Variants in AHCTF1 observed in about 807,000 individuals in gnomAD.
The protein encoded by AHCTF1 is AT-hook containing transcription factor 1.
AHCTF1 carries 24 observed loss-of-function variants against 248.4 expected under a neutral mutation model. The ratio of observed to expected loss-of-function variants is 0.10; its 90% confidence interval spans 0.07 to 0.14. AHCTF1 has a LOEUF of 0.14. AHCTF1 is among the 10% of genes least tolerant of loss of function. AHCTF1 has a pLI of 1.00. For synonymous variants in AHCTF1, 786 were observed against 929.8 expected (o/e 0.85, Z 2.81); for missense variants, 2,206 against 2,636.2 (o/e 0.84, Z 3.57).
chr1:246,862,297 G>A (rs572053842), intron 27 of AHCTF1, 144 bp from the exon 28 acceptor site: 14 of 478,852 alleles, frequency 2.9e-5, no homozygotes, highest in South Asian at 9.7e-5. Flanking sequence ...TGGCTAACAC[G>A]GTGAAACCCC....
At chr1:246,931,306 A>G (rs1411920374) in intron 1 of AHCTF1, 1 of 1,547,090 alleles carries the variant, frequency 6.5e-7, no homozygotes, top group Admixed American at 2.0e-5. Flanking sequence ...GACGCGAACC[A>G]CCAGCGCCGC....
rs139700015 is a variant in AHCTF1, at chr1:246,877,211, C to T, written c.2752G>A (p.Glu918Lys). 52 of 1,613,496 alleles carry T rather than the reference C, an allele frequency of 3.2e-5. 1 individual carries two copies. In the South Asian group the frequency reaches 4.8e-4, roughly 15 times the overall value. ...AGTAAATCTTCCATCAAGCCCATTT[C>T]CTGACAGACTTCATACATGTGCTTC... Reference protein sequence around the residue: ...LLKHMYEVCQEMGLMEDLLKL... With the variant: ...LLKHMYEVCQKMGLMEDLLKL... Residue 918 changes from glutamate to lysine, a missense_variant, in exon 22 of 36, where the codon GAA becomes AAA. Around this residue, in one of 6 missense-constraint regions of AHCTF1, gnomAD observed 955 missense variants for 1,055.6 expected, o/e 0.90. Coordinates refer to ENST00000648844, the MANE Select transcript of AHCTF1 (RefSeq NM_001323342.2).
chr1:246,851,668 T>C (rs1411534787), intron 32 of AHCTF1, among the ~76,000 whole-genome samples: 1 of 152,190 alleles, frequency 6.6e-6, no homozygotes, highest in East Asian at 1.9e-4. Flanking sequence ...GAAATTTAAC[T>C]AGAAATTCTA....
chr1:246,931,226 T>C (rs1196291045), intron 1 of AHCTF1: 2 of 1,550,122 alleles, frequency 1.3e-6, no homozygotes, highest in Admixed American at 2.0e-5. Flanking sequence ...AACGAGTCCA[T>C]CGCGTGGGAG....
At position 246,877,428 on chromosome 1, in the gene AHCTF1, TTAAAAATTTGTTGAATAC is replaced by T. The variant is rs376837878; in HGVS notation, c.2661-144_2661-127del. 3.5e-4 allele frequency: 384 copies of T among 1,107,572 alleles called. 1 individual carries two copies. In the African/African-American group the frequency reaches 5.3e-3, roughly 15 times the overall value. 68.6% of individuals were successfully genotyped at this position (1,107,572 alleles called of 1,614,324 possible). On this transcript the variant is annotated intron_variant, in intron 21 of 35. Transcript: ENST00000648844. ...TCTTTATAAATAATTGAAAAGTACTTTAAAAATTTGTTGAATACTAAGTACTGCATAATAATCTTGCTA... is the reference window on the plus strand; with the variant it reads ...TCTTTATAAATAATTGAAAAGTACTTTAAGTACTGCATAATAATCTTGCTA...
chr1:246,870,344 G>A (rs936422884), intron 24 of AHCTF1, among the ~76,000 whole-genome samples: 3 of 152,122 alleles, frequency 2.0e-5, no homozygotes, highest in African/African-American at 7.2e-5. Flanking sequence ...GATCACTTGA[G>A]CTCAGAAGGT....
At position 246,902,759 on chromosome 1, in the gene AHCTF1, T is replaced by C. The variant is rs536928123; in HGVS notation, c.967-84A>G. 721 of 1,325,808 alleles carry C rather than the reference T, an allele frequency of 5.4e-4. 1 individual carries two copies. The highest frequency in any genetic ancestry group is 9.0e-4 in the Admixed American group (36 of 40,176). The allele number at this position is 1,325,808 out of a possible 1,614,324, so 82.1% of individuals were successfully genotyped here. A position where few individuals can be genotyped will look rare whatever the true frequency, so the allele number is the denominator to read the frequency against. On this transcript the variant is annotated intron_variant, in intron 7 of 35. Coordinates refer to ENST00000648844, the MANE Select transcript of AHCTF1 (RefSeq NM_001323342.2). Reference sequence around the variant, plus strand: ...ATTAAATATTCTCCAAATTTAAAGATTGTTCACACAATACAAAGAAAACAA... The same window carrying C: ...ATTAAATATTCTCCAAATTTAAAGACTGTTCACACAATACAAAGAAAACAA...
At chr1:246,868,990 GC>G (rs1200449483) in intron 24 of AHCTF1, among the ~76,000 whole-genome samples, 15 of 149,450 alleles carry the variant, frequency 1.0e-4, no homozygotes, top group Middle Eastern at 3.5e-3. Flanking sequence ...GACTACAGGC[GC>G]CCGCCACCAT....
At position 246,888,476 on chromosome 1, in the gene AHCTF1, A is replaced by G; in HGVS notation, c.2186T>C (p.Val729Ala). Residue 729 changes from valine to alanine, a missense_variant, in exon 18 of 36, where the codon GTT (valine) becomes GCT (alanine). This residue lies in a region of AHCTF1 where 650 missense variants were observed against 870.8 expected (regional missense o/e 0.75). Transcript: ENST00000648844. ...CTCAATTCGCTCTCCTAACTGAGAA[A>G]CCAGTCCATCAATCATCAAGCAATC... is the stretch of plus-strand genomic sequence containing the variant. ...NPDCLMIDGL[V>A]SQLGERIEKL... The G allele has an allele frequency of 6.2e-7, 1 of 1,613,814 alleles. No individual in the cohort carries two copies. Among genetic ancestry groups the G allele is most frequent in the Middle Eastern group, 1.7e-4 (1 of 5,812 alleles).
At position 246,905,673 on chromosome 1, in the gene AHCTF1, A is replaced by G. The variant is rs1665337090; in HGVS notation, c.765-16T>C. On this transcript the variant is annotated splice_polypyrimidine_tract_variant and intron_variant, in intron 5 of 35. Transcript: ENST00000648844. ...TATGTAATATCTGAAACAAATTAGT[A>G]TATTTCATATTTTTAAGTTATTTTT... 2 of 1,570,604 alleles carry G rather than the reference A, an allele frequency of 1.3e-6. No individual in the cohort carries two copies. Among genetic ancestry groups the G allele is most frequent in the South Asian group, 1.1e-5 (1 of 89,420 alleles).
chr1:246,867,988 A>G (rs915094495), intron 24 of AHCTF1, among the ~76,000 whole-genome samples, 177 bp from the exon 25 acceptor site: 1 of 143,784 alleles, frequency 7.0e-6, no homozygotes, highest in Non-Finnish European at 1.5e-5. Context: ...CTTTTAGACC[A>G]GTCTTGCTGT....
At chr1:246,848,859 A>C (rs1441962510) in intron 33 of AHCTF1, among the ~76,000 whole-genome samples, 1 of 78,170 alleles carries the variant, frequency 1.3e-5, no homozygotes, top group Non-Finnish European at 2.1e-5. Flanking sequence ...CAAACAAACA[A>C]CACAAACCCC....
At chr1:246,912,313 A>T (rs1665867732) in intron 4 of AHCTF1, among the ~76,000 whole-genome samples, 1 of 138,038 alleles carries the variant, frequency 7.2e-6, no homozygotes, top group Admixed American at 7.2e-5. Flanking sequence ...CATCTCTACT[A>T]AAAAAAAAAA....
chr1:246,909,591 T>C (rs1665655933), intron 4 of AHCTF1, among the ~76,000 whole-genome samples: 1 of 152,134 alleles, frequency 6.6e-6, no homozygotes, highest in Non-Finnish European at 1.5e-5. Flanking sequence ...AACCCTTATT[T>C]GACTTAACAG....
In AHCTF1 at chr1:246,897,079, C is replaced by T. The variant is rs149645831; in HGVS notation, c.1623+1129G>A. ...CTGTAATCCCAGCACTTTGGGAGGCCGAGGAGGGCAGATCACTTGAGGTCA... is the reference window on the plus strand; with the variant it reads ...CTGTAATCCCAGCACTTTGGGAGGCTGAGGAGGGCAGATCACTTGAGGTCA... On this transcript the variant is annotated intron_variant, in intron 12 of 35. Coordinates refer to ENST00000648844, the MANE Select transcript of AHCTF1 (RefSeq NM_001323342.2). Among the ~76,000 whole-genome samples the T allele has an allele frequency of 1.6e-4, 25 of 152,184 alleles. No homozygotes were observed. In the East Asian group the frequency reaches 3.7e-3, roughly 22 times the overall value.
intron 1 of AHCTF1, among the ~76,000 whole-genome samples, chr1:246,930,019 T>C (rs959875183): frequency 3.4e-5 from 5 of 148,826 alleles, no homozygotes; most frequent in African/African-American, 1.3e-4. Context: ...GCCACTGCAC[T>C]CCAGCCTGGG....
At chr1:246,866,329 A>G (rs891896722) in intron 26 of AHCTF1, among the ~76,000 whole-genome samples, 1 of 152,212 alleles carries the variant, frequency 6.6e-6, no homozygotes, top group Non-Finnish European at 1.5e-5. Context: ...TGCAGAAAAA[A>G]AAATCCGAAC....
At position 246,840,996 on chromosome 1, in the gene AHCTF1, TTTCTG is replaced by T; in HGVS notation, c.6609-3_6610del. The T allele has an allele frequency of 6.3e-7, 1 of 1,593,286 alleles. No homozygotes were observed. The highest frequency in any genetic ancestry group is 1.9e-5 in the Admixed American group (1 of 53,422). The stretch of plus-strand genomic sequence containing the variant: ...TGACCAAGCACTTTCTTTTTCTGTG[TTTCTG>T]AAAAAAAAAGATATGATCAAGTAAG... On this transcript the variant is annotated splice_acceptor_variant and splice_polypyrimidine_tract_variant and coding_sequence_variant and intron_variant, in exon 36 of 36. Transcript: ENST00000648844. LOFTEE classifies it high-confidence loss of function.
chr1:246,884,320 T>C (rs1034886609), intron 21 of AHCTF1, among the ~76,000 whole-genome samples: 3 of 143,494 alleles, frequency 2.1e-5, no homozygotes, highest in African/African-American at 7.5e-5. Context: ...CAATCTATTA[T>C]TAAACTTCTT....
Sources: allele counts gnomAD v4.1 joint callset (sites outside exome capture counted in the v4.1 genomes callset), GRCh38; gene constraint gnomAD v4.1.1; regional missense constraint gnomAD v4.1.1; transcripts MANE v1.5; gene names NCBI Gene and HGNC (gene_info 2026-07-23, HGNC 2026-07-21).